The following ARHGAP26 variants were observed in gnomAD, a reference collection of about 807,000 sequenced individuals.
ARHGAP26 encodes the protein rho GTPase-activating protein 26.
ARHGAP26 carries 38 observed loss-of-function variants against 104.8 expected under a neutral mutation model. That is an observed-to-expected ratio of 0.36 (90% CI 0.28 to 0.48). ARHGAP26 has a LOEUF of 0.48. ARHGAP26 is among the 20% of genes least tolerant of loss of function. The probability of loss-of-function intolerance (pLI) is 0.99; values close to 1 mark genes in which losing one functional copy is unlikely to be tolerated. For missense variants in ARHGAP26, 704 were observed against 947.9 expected (o/e 0.74, Z 3.38); for synonymous variants, 341 against 340.0 (o/e 1.00, Z -0.03).
chr5:143,203,051 G>A (rs1808007584), intron 20 of ARHGAP26: 1 of 152,146 alleles, frequency 6.6e-6, no homozygotes, highest in South Asian at 2.1e-4. Context: ...AAAAGCAATG[G>A]CAACAAAAGC....
intron 11 of ARHGAP26, among the ~76,000 whole-genome samples, chr5:142,954,205 A>C (rs527715659): frequency 6.6e-6 from 1 of 152,338 alleles, no homozygotes; most frequent in South Asian, 2.1e-4. Context: ...TCCATGAAAT[A>C]TAAGAATGTT....
chr5:142,885,945 A>G lies in ARHGAP26; in HGVS notation c.486+546A>G, dbSNP rs190422160. ...TGGTAATGTTGTTTCAAGAAAATAC[A>G]TTCTTAAATTTGCGCTTGGTTTTTC... On this transcript the variant is annotated intron_variant, in intron 5 of 22. Transcript: ENST00000645722. Among the ~76,000 whole-genome samples the G allele has an allele frequency of 1.5e-4, 23 of 152,170 alleles. No individual in the cohort carries two copies. In the East Asian group the frequency reaches 4.4e-3, roughly 29 times the overall value.
chr5:142,826,621 T>A (rs1424243860), intron 1 of ARHGAP26, among the ~76,000 whole-genome samples: 1 of 152,180 alleles, frequency 6.6e-6, no homozygotes, highest in African/African-American at 2.4e-5. Flanking sequence ...CCACACCATG[T>A]TCTCTCTCAC....
intron 10 of ARHGAP26, among the ~76,000 whole-genome samples, chr5:142,915,299 T>C (rs1399728885): frequency 6.6e-6 from 1 of 151,830 alleles, no homozygotes; most frequent in Admixed American, 6.6e-5. Flanking sequence ...TGGTTCCCTC[T>C]GCATGGCGTG....
At chr5:142,949,234 A>AGAGAGAGAG (rs1767896915) in intron 11 of ARHGAP26, among the ~76,000 whole-genome samples, 1 of 81,966 alleles carries the variant, frequency 1.2e-5, no homozygotes, top group Non-Finnish European at 2.2e-5. Context: ...GAGAGAGAGG[A>AGAGAGAGAG]GAGAGAGAGA....
intron 1 of ARHGAP26, among the ~76,000 whole-genome samples, chr5:142,811,831 T>C (rs1328696625): frequency 6.6e-6 from 1 of 152,206 alleles, no homozygotes; most frequent in Non-Finnish European, 1.5e-5. Context: ...ATTTTCATCA[T>C]TCCGTTCCTG....
chr5:142,974,410 A>C (rs1772732991), intron 11 of ARHGAP26, among the ~76,000 whole-genome samples: 1 of 152,066 alleles, frequency 6.6e-6, no homozygotes, highest in African/African-American at 2.4e-5. Flanking sequence ...ATGGAGCGCG[A>C]ATGTTTGGAA....
At chr5:142,993,233 A>C (rs1416550596) in intron 11 of ARHGAP26, among the ~76,000 whole-genome samples, 1 of 142,966 alleles carries the variant, frequency 7.0e-6, no homozygotes, top group East Asian at 2.1e-4. Flanking sequence ...GCAGTGGCGC[A>C]ATCTCGGCTC....
At chr5:142,824,100 T>G (rs1766735918) in intron 1 of ARHGAP26, among the ~76,000 whole-genome samples, 1 of 152,202 alleles carries the variant, frequency 6.6e-6, no homozygotes, top group South Asian at 2.1e-4. Context: ...TAATTTTTTG[T>G]TTGTGGAACA....
chr5:142,958,916 A>G (rs1191872172), intron 11 of ARHGAP26, among the ~76,000 whole-genome samples: 2 of 104,360 alleles, frequency 1.9e-5, no homozygotes, highest in East Asian at 1.2e-3. Flanking sequence ...AAAAAAAAAA[A>G]AAAGAAAAAA....
Position 143,094,043 on chromosome 5 carries a change from G to C in ARHGAP26, c.1539-26945G>C, listed in dbSNP as rs369188038. On this transcript the variant is annotated intron_variant, in intron 17 of 22. Transcript: ENST00000645722. ...AGATTCAGCTCCCACCTCCTCATGG[G>C]GACTTCTCACCTCTTTTTAACCTCC... Among the ~76,000 whole-genome samples the C allele has an allele frequency of 5.3e-5, 8 of 152,204 alleles. No homozygotes were observed. The South Asian group carries it at 1.7e-3, about 32-fold the overall frequency.
intron 1 of ARHGAP26, among the ~76,000 whole-genome samples, chr5:142,847,331 A>G (rs953734541): frequency 2.0e-5 from 3 of 152,090 alleles, no homozygotes; most frequent in Admixed American, 6.5e-5. Flanking sequence ...AGCTTAGGTC[A>G]CACAGCGAAT....
chr5:142,991,044 A>G (rs1775534467), intron 11 of ARHGAP26, among the ~76,000 whole-genome samples: 1 of 152,166 alleles, frequency 6.6e-6, no homozygotes. Flanking sequence ...TTTTTCAGCT[A>G]TTCCCTGCCC....
intron 1 of ARHGAP26, among the ~76,000 whole-genome samples, chr5:142,806,603 C>T (rs898075224): frequency 6.6e-6 from 1 of 151,970 alleles, no homozygotes; most frequent in Non-Finnish European, 1.5e-5. Context: ...TGTATTTTGC[C>T]TTCTTCCGTA....
rs77962048 is a variant in ARHGAP26 at position 142,868,256 on chromosome 5, G to A, written c.155-5144G>A. On this transcript the variant is annotated intron_variant, in intron 1 of 22. Transcript: ENST00000645722. ...CAGAGGTGGCATGTGGTGGCAGGTA[G>A]GAGTTGGGCATGCCCCGGGAACTGG... Among the ~76,000 whole-genome samples, 68 of 152,312 alleles carry A rather than the reference G, an allele frequency of 4.5e-4. 3 individuals carry two copies. The East Asian group carries it at 7.7e-3, about 17-fold the overall frequency.
At chr5:142,896,193 A>G (rs1246485390) in intron 6 of ARHGAP26, among the ~76,000 whole-genome samples, 1 of 152,262 alleles carries the variant, frequency 6.6e-6, no homozygotes, top group Non-Finnish European at 1.5e-5. Flanking sequence ...AAATGCTGTC[A>G]CATAGAATTT....
At chr5:143,213,894 G>T in intron 21 of ARHGAP26, 103 bp from the exon 22 acceptor site, 1 of 669,770 alleles carries the variant, frequency 1.5e-6, no homozygotes. Context: ...CCCACGAGAG[G>T]GGACTAGGTA....
chr5:142,991,729 A>C (rs1775645152), intron 11 of ARHGAP26, among the ~76,000 whole-genome samples: 1 of 152,232 alleles, frequency 6.6e-6, no homozygotes, highest in African/African-American at 2.4e-5. Context: ...TTTATCTCCT[A>C]GGAACAATAG....
intron 11 of ARHGAP26, among the ~76,000 whole-genome samples, chr5:143,005,755 T>C (rs980751871): frequency 6.6e-6 from 1 of 152,218 alleles, no homozygotes; most frequent in East Asian, 1.9e-4. Context: ...GTTGTAATCA[T>C]GTTTTGAACA....
Sources: gnomAD v4.1 joint callset for allele counts (sites outside exome capture counted in the v4.1 genomes callset) on GRCh38, gnomAD v4.1.1 for gene constraint, MANE v1.5 for transcripts, NCBI Gene and HGNC (gene_info 2026-07-23, HGNC 2026-07-21) for gene names.